PPP2R2C: variants seen among roughly 807,000 people sequenced by gnomAD.
PPP2R2C encodes protein phosphatase 2, regulatory subunit B, gamma.
Under a neutral mutation model 45.3 loss-of-function variants are expected in PPP2R2C, and 10 were observed. That is an observed-to-expected ratio of 0.22 (90% confidence interval 0.14 to 0.37). The LOEUF (loss-of-function observed/expected upper bound fraction) is 0.37, where lower values mean the gene tolerates loss of function less well. PPP2R2C is among the 10% of genes least tolerant of loss of function. The pLI is 1.00. For missense variants in PPP2R2C, 308 were observed against 619.7 expected (o/e 0.50, Z 5.34); for synonymous variants, 257 against 245.4 (o/e 1.05, Z -0.44).
At chr4:6,494,242 G>A (rs61084023) in intron 2 of PPP2R2C, among the ~76,000 whole-genome samples, 36,943 of 152,112 alleles carry the variant, frequency 0.24, 5,707 homozygotes, top group Non-Finnish European at 0.33. Context: ...GAAACACAGG[G>A]GACGCAGGAG....
At chr4:6,361,893 G>A (rs1015655448) in intron 5 of PPP2R2C, among the ~76,000 whole-genome samples, 1 of 152,232 alleles carries the variant, frequency 6.6e-6, no homozygotes, top group African/African-American at 2.4e-5. Flanking sequence ...TGGCCTAAGA[G>A]AGACACAGGT....
At chr4:6,518,466 A>G (rs1037573710) in intron 2 of PPP2R2C, among the ~76,000 whole-genome samples, 3 of 152,230 alleles carry the variant, frequency 2.0e-5, no homozygotes, top group Non-Finnish European at 2.9e-5. Flanking sequence ...AAGAGGATAC[A>G]TCACTACAGA....
Position 6,394,501 on chromosome 4 carries a change from G to A in PPP2R2C, c.71-13407C>T, listed in dbSNP as rs74969761. On this transcript the variant is annotated intron_variant, in intron 1 of 8. Coordinates refer to ENST00000382599, the MANE Select transcript of PPP2R2C (RefSeq NM_020416.4). ...TTGAGATGTGGTAAATTGCAGCTGG[G>A]GGACCTGGTTCGACTGTCTCCTGTC... Among the ~76,000 whole-genome samples the A allele has an allele frequency of 7.9e-3, 1,196 of 152,354 alleles. 15 individuals are homozygous for A. Among genetic ancestry groups the A allele is most frequent in the Non-Finnish European group, 0.011 (721 of 68,018 alleles).
chr4:6,409,550 G>A (rs1718013159), intron 1 of PPP2R2C, among the ~76,000 whole-genome samples: 1 of 152,210 alleles, frequency 6.6e-6, no homozygotes, highest in African/African-American at 2.4e-5. Flanking sequence ...GAAGAGGACT[G>A]GAGGAGGCAG....
At chr4:6,360,695 A>G (rs1713651327) in intron 5 of PPP2R2C, among the ~76,000 whole-genome samples, 1 of 152,248 alleles carries the variant, frequency 6.6e-6, no homozygotes, top group South Asian at 2.1e-4. Context: ...TGACCTGACT[A>G]CAAACATGAG....
chr4:6,503,304 A>G (rs796604043), intron 2 of PPP2R2C, among the ~76,000 whole-genome samples: 17 of 152,238 alleles, frequency 1.1e-4, no homozygotes, highest in African/African-American at 4.1e-4. Flanking sequence ...TGTTGCTCAG[A>G]TATGCACACA....
At chr4:6,513,300 T>A (rs567778998) in intron 2 of PPP2R2C, among the ~76,000 whole-genome samples, 86 of 152,330 alleles carry the variant, frequency 5.6e-4, no homozygotes, top group Non-Finnish European at 1.1e-3. Flanking sequence ...TGGAATACGA[T>A]GGAGTCAGTC....
At chr4:6,504,764 G>A (rs948181352) in intron 2 of PPP2R2C, among the ~76,000 whole-genome samples, 4 of 152,172 alleles carry the variant, frequency 2.6e-5, no homozygotes, top group Non-Finnish European at 5.9e-5. Context: ...CTGAAAAACA[G>A]AGGAGGGAAG....
At chr4:6,424,101 C>T (rs931567564) in intron 1 of PPP2R2C, among the ~76,000 whole-genome samples, 13 of 152,224 alleles carry the variant, frequency 8.5e-5, no homozygotes. Flanking sequence ...GGCTCTTCCT[C>T]ACAGGGAAAG....
intron 1 of PPP2R2C, among the ~76,000 whole-genome samples, chr4:6,397,902 A>G (rs1717151945): frequency 6.6e-6 from 1 of 152,246 alleles, no homozygotes; most frequent in Admixed American, 6.5e-5. Context: ...CAGCTGATAT[A>G]AAGATACAGT....
chr4:6,339,720 A>G (rs925431600), intron 6 of PPP2R2C, among the ~76,000 whole-genome samples: 2 of 152,184 alleles, frequency 1.3e-5, no homozygotes, highest in African/African-American at 4.8e-5. Context: ...GGAGGTGGGA[A>G]ACATGGGAGG....
chr4:6,503,062 C>T (rs1042919905), intron 2 of PPP2R2C, among the ~76,000 whole-genome samples: 1 of 152,190 alleles, frequency 6.6e-6, no homozygotes, highest in African/African-American at 2.4e-5. Context: ...GAGCAACTCT[C>T]CTTAAACTAA....
At chr4:6,529,796 G>T (rs565952163) in intron 2 of PPP2R2C, among the ~76,000 whole-genome samples, 2 of 152,284 alleles carry the variant, frequency 1.3e-5, no homozygotes, top group Middle Eastern at 3.4e-3. Context: ...CTCAATAAAT[G>T]TATGTGAAAT....
At chr4:6,358,563 C>T (rs1382000956) in intron 5 of PPP2R2C, among the ~76,000 whole-genome samples, 10 of 149,486 alleles carry the variant, frequency 6.7e-5, no homozygotes, top group East Asian at 3.9e-4. Flanking sequence ...AGGCAACCTA[C>T]GGAATGGGAG....
At chr4:6,531,669 C>A (rs1213460140) in intron 2 of PPP2R2C, among the ~76,000 whole-genome samples, 1 of 151,940 alleles carries the variant, frequency 6.6e-6, no homozygotes, top group African/African-American at 2.4e-5. Context: ...CTCTGTGAAC[C>A]CCAGCTCTTC....
rs1725650652 is a variant in PPP2R2C, at chr4:6,563,466, G to C, written c.-59+94C>G. 6.6e-6 allele frequency: 1 copy of C among 152,618 alleles called. No individual in the cohort carries two copies. Among genetic ancestry groups the C allele is most frequent in the Non-Finnish European group, 1.5e-5 (1 of 68,034 alleles). 9.5% of individuals were successfully genotyped at this position (152,618 alleles called of 1,614,324 possible). A position where few individuals can be genotyped will look rare whatever the true frequency, so the allele number is the denominator to read the frequency against. ...CCGCACCCGAGGGCCGCGTCCCCGGGCAGGGTGAGGTCCTGCGGGGCTGGG... is the reference window on the plus strand; with the variant it reads ...CCGCACCCGAGGGCCGCGTCCCCGGCCAGGGTGAGGTCCTGCGGGGCTGGG... On this transcript the variant is annotated intron_variant, in intron 1 of 9. Coordinates refer to the PPP2R2C transcript ENST00000506140. The surrounding 1 kb of genome is among the most constrained non-coding windows in gnomAD (Gnocchi z 5.8).
chr4:6,439,637 T>C (rs1003504725), intron 1 of PPP2R2C, among the ~76,000 whole-genome samples: 6 of 152,130 alleles, frequency 3.9e-5, no homozygotes, highest in Non-Finnish European at 5.9e-5. Flanking sequence ...TCTGCTCTTC[T>C]GCCTCCAGTC....
intron 5 of PPP2R2C, among the ~76,000 whole-genome samples, chr4:6,371,902 G>T (rs143503732): frequency 6.6e-6 from 1 of 152,022 alleles, no homozygotes; most frequent in Non-Finnish European, 1.5e-5. Flanking sequence ...CCAGCCCCCC[G>T]GCAGGCCAAG....
chr4:6,350,820 A>G (rs1266550174), intron 5 of PPP2R2C: 15 of 985,228 alleles, frequency 1.5e-5, no homozygotes, highest in Non-Finnish European at 1.8e-5. Context: ...TCCCTCCGCA[A>G]TGAGATCGCA....
Sources: allele counts gnomAD v4.1 joint callset (sites outside exome capture counted in the v4.1 genomes callset), GRCh38; gene constraint gnomAD v4.1.1; non-coding constraint Gnocchi (gnomAD v3.1); transcripts MANE v1.5; gene names NCBI Gene and HGNC (gene_info 2026-07-23, HGNC 2026-07-21).